SLC25A26: variants seen among roughly 807,000 people sequenced by gnomAD.
SLC25A26 encodes solute carrier family 25 member 26, also known as mitochondrial S-adenosylmethionine carrier protein.
SLC25A26 carries 36 observed loss-of-function variants against 37.8 expected under a neutral mutation model. The observed-to-expected ratio is 0.95, with a 90% CI of 0.73 to 1.26. The LOEUF (loss-of-function observed/expected upper bound fraction) is 1.26, where lower values mean the gene tolerates loss of function less well. Ranked by LOEUF, SLC25A26 falls within the 50% of genes most tolerant of loss-of-function variation. The pLI, the probability that SLC25A26 is intolerant of heterozygous loss-of-function variation, is 0.00. For missense variants in SLC25A26, 390 were observed against 331.1 expected (o/e 1.18, Z -1.38); for synonymous variants, 129 against 122.5 (o/e 1.05, Z -0.35).
chr3:66,240,293 C>T (rs968881760), intron 2 of SLC25A26, among the ~76,000 whole-genome samples: 1 of 152,206 alleles, frequency 6.6e-6, no homozygotes, highest in Admixed American at 6.6e-5. Flanking sequence ...TAACACTATA[C>T]ATTTTTTTCC....
chr3:66,331,846 C>CT (rs2075981461), intron 5 of SLC25A26, among the ~76,000 whole-genome samples: 1 of 152,162 alleles, frequency 6.6e-6, no homozygotes, highest in Non-Finnish European at 1.5e-5. Context: ...CATCCCTCCT[C>CT]AGTAAGGTGA....
chr3:66,234,732 T>G (rs187172413), intron 1 of SLC25A26, among the ~76,000 whole-genome samples: 4 of 152,326 alleles, frequency 2.6e-5, no homozygotes, highest in Admixed American at 2.6e-4. Context: ...GTACCAAGCT[T>G]TGTAGCATTG....
chr3:66,140,675 C>T (rs912490764), intron 1 of SLC25A26, among the ~76,000 whole-genome samples: 1 of 152,148 alleles, frequency 6.6e-6, no homozygotes, highest in African/African-American at 2.4e-5. Flanking sequence ...AGTAAAACTA[C>T]CTTATCGGCA....
intron 1 of SLC25A26, among the ~76,000 whole-genome samples, chr3:66,230,272 A>G (rs2071950566): frequency 6.6e-6 from 1 of 152,258 alleles, no homozygotes; most frequent in Admixed American, 6.5e-5. Flanking sequence ...AACATTATAT[A>G]CTAGAGTGAT....
rs118063895 is a variant in SLC25A26, at chr3:66,322,955, C to G, written c.454-23409C>G. On this transcript the variant is annotated intron_variant, in intron 5 of 9. Coordinates refer to ENST00000354883, the MANE Select transcript of SLC25A26 (RefSeq NM_001379210.1). ...TTACCTTCTTGGTTTTTAATTATTACAGTTTATATTGCATCAAAATGTAAA... is the reference window on the plus strand; with the variant it reads ...TTACCTTCTTGGTTTTTAATTATTAGAGTTTATATTGCATCAAAATGTAAA... 5.5e-4 allele frequency among the ~76,000 whole-genome samples: 81 copies of G among 147,030 alleles called. No homozygotes were observed. The East Asian group carries it at 0.015, about 28-fold the overall frequency.
chr3:66,180,420 CA>C (rs1219316482), intron 1 of SLC25A26, among the ~76,000 whole-genome samples: 2 of 152,288 alleles, frequency 1.3e-5, no homozygotes, highest in Admixed American at 1.3e-4. Context: ...GAAGTGATTT[CA>C]AAACTCTTGA....
At chr3:66,275,810 A>G (rs555984092) in intron 5 of SLC25A26, among the ~76,000 whole-genome samples, 2 of 152,038 alleles carry the variant, frequency 1.3e-5, no homozygotes, top group Non-Finnish European at 2.9e-5. Flanking sequence ...CATATATTCA[A>G]AACAGTTTTT....
upstream of SLC25A26, among the ~76,000 whole-genome samples, chr3:66,219,688 TATACC>T (rs2071417362): frequency 6.6e-6 from 1 of 152,104 alleles, no homozygotes; most frequent in African/African-American, 2.4e-5. Flanking sequence ...CTGAGAGGTG[TATACC>T]ATGCTAGGGA....
At position 66,262,086 on chromosome 3, in the gene SLC25A26, T is replaced by C; in HGVS notation, c.336T>C (p.Val112=). The change falls in exon 4 of 10, where the codon GTT becomes GTC. Residue 112 remains valine (V), a synonymous_variant. Coordinates refer to ENST00000354883, the MANE Select transcript of SLC25A26 (RefSeq NM_001379210.1). ...TGATTCGAGTTCCATCTGAAGTGGT[T>C]AAGCAGAGGGCACAGGTATCTGCTT... ...ACLIRVPSEV[V]KQRAQVSAST... 1.3e-6 allele frequency: 2 copies of C among 1,591,044 alleles called. No homozygotes were observed. Among genetic ancestry groups the C allele is most frequent in the Non-Finnish European group, 1.7e-6 (2 of 1,167,670 alleles).
intron 1 of SLC25A26, among the ~76,000 whole-genome samples, chr3:66,183,650 T>C (rs761313235): frequency 6.6e-6 from 1 of 151,842 alleles, no homozygotes; most frequent in Non-Finnish European, 1.5e-5. Flanking sequence ...GAATCTGACC[T>C]TCATCACGAT....
intron 1 of SLC25A26, among the ~76,000 whole-genome samples, chr3:66,143,064 C>T (rs2070059989): frequency 6.6e-6 from 1 of 152,122 alleles, no homozygotes; most frequent in South Asian, 2.1e-4. Flanking sequence ...CTGTGCCCAG[C>T]CTAAGCTGTC....
At chr3:66,282,473 T>G (rs1435235546) in intron 5 of SLC25A26, among the ~76,000 whole-genome samples, 1 of 152,120 alleles carries the variant, frequency 6.6e-6, no homozygotes, top group Non-Finnish European at 1.5e-5. Context: ...ACCTCCTTGC[T>G]GGTGTAGCAA....
chr3:66,198,127 T>C (rs1208644565), intron 1 of SLC25A26, among the ~76,000 whole-genome samples: 2 of 152,080 alleles, frequency 1.3e-5, no homozygotes, highest in Non-Finnish European at 2.9e-5. Context: ...CAGAGTCAAG[T>C]GCAGGATTAG....
chr3:66,217,917 A>G (rs1188719563), upstream of SLC25A26, among the ~76,000 whole-genome samples: 1 of 152,238 alleles, frequency 6.6e-6, no homozygotes, highest in Non-Finnish European at 1.5e-5. Context: ...GTAAATGTAC[A>G]CACCCATGCG....
intron 1 of SLC25A26, among the ~76,000 whole-genome samples, chr3:66,209,688 T>G (rs2071248930): frequency 7.2e-6 from 1 of 138,494 alleles, no homozygotes. Context: ...TAGGTATATA[T>G]AGGTATATAT....
chr3:66,290,319 C>G (rs906711692), intron 5 of SLC25A26, among the ~76,000 whole-genome samples: 1 of 152,150 alleles, frequency 6.6e-6, no homozygotes, highest in African/African-American at 2.4e-5. Flanking sequence ...TTTCTCTTGC[C>G]TGATTGCCCT....
chr3:66,145,914 C>T (rs986487316), intron 1 of SLC25A26, among the ~76,000 whole-genome samples: 6 of 151,966 alleles, frequency 3.9e-5, no homozygotes, highest in African/African-American at 7.3e-5. Context: ...CTAATAATAA[C>T]GTTCTACAAA....
At chr3:66,348,069 A>G (rs149624668) in intron 6 of SLC25A26, among the ~76,000 whole-genome samples, 160 of 152,324 alleles carry the variant, frequency 1.1e-3, no homozygotes, top group African/African-American at 3.6e-3. Context: ...ACAAACCACC[A>G]TGGGTCACAT....
chr3:66,156,174 A>G (rs1038340275), intron 1 of SLC25A26, among the ~76,000 whole-genome samples: 5 of 152,190 alleles, frequency 3.3e-5, no homozygotes, highest in African/African-American at 1.2e-4. Flanking sequence ...GCAAAAGCCC[A>G]TCAACAGCAA....
Sources: allele counts gnomAD v4.1 joint callset (sites outside exome capture counted in the v4.1 genomes callset), GRCh38; gene constraint gnomAD v4.1.1; transcripts MANE v1.5; gene names NCBI Gene and HGNC (gene_info 2026-07-23, HGNC 2026-07-21).